SMIM13: variants seen among roughly 807,000 people sequenced by gnomAD.
The protein encoded by SMIM13 is small integral membrane protein 13, also known as UPF0766 protein C6orf228.
SMIM13 carries 3 observed loss-of-function variants against 5.9 expected under a neutral mutation model. The ratio of observed to expected loss-of-function variants is 0.51; its 90% CI spans 0.23 to 1.31. The LOEUF (loss-of-function observed/expected upper bound fraction) is 1.31, where lower values mean the gene tolerates loss of function less well. SMIM13 is among the 40% of genes most tolerant of loss of function. SMIM13 has a pLI of 0.18. For missense variants in SMIM13, 85 were observed against 109.9 expected (o/e 0.77, Z 1.01); for synonymous variants, 55 against 46.0 (o/e 1.19, Z -0.79).
At chr6:11,130,436 G>T (rs979994986) in intron 1 of SMIM13, among the ~76,000 whole-genome samples, 1 of 152,004 alleles carries the variant, frequency 6.6e-6, no homozygotes, top group Admixed American at 6.6e-5. Context: ...GACAGAATTG[G>T]GAGAAAAATG....
In SMIM13 at chr6:11,136,002, T is replaced by A. The variant is rs1432679608; in HGVS notation, c.*1400T>A. ...TCTTACAATGTTAAACTTGTAATCC[T>A]GTGTGAAACACATGTTTTTGGGGGG... On this transcript the variant is annotated 3_prime_UTR_variant, in exon 2 of 2. Transcript: ENST00000416247. 1 of 152,232 alleles carries A rather than the reference T, an allele frequency of 6.6e-6. No individual in the cohort carries two copies. The highest frequency in any genetic ancestry group is 1.5e-5 in the Non-Finnish European group (1 of 68,028). 9.4% of individuals were successfully genotyped at this position (152,232 alleles called of 1,614,324 possible).
chr6:11,125,761 T>C (rs1758369512), intron 1 of SMIM13, among the ~76,000 whole-genome samples: 1 of 152,180 alleles, frequency 6.6e-6, no homozygotes, highest in South Asian at 2.1e-4. Flanking sequence ...GATCCTTTCT[T>C]TGTCCCTTAC....
At chr6:11,110,895 A>C (rs1291437222) in intron 1 of SMIM13, among the ~76,000 whole-genome samples, 2 of 152,188 alleles carry the variant, frequency 1.3e-5, no homozygotes, top group Non-Finnish European at 2.9e-5. Flanking sequence ...TGGGGTCCTT[A>C]AGGGCTACAG....
At chr6:11,116,583 C>CA (rs748720457) in intron 1 of SMIM13, among the ~76,000 whole-genome samples, 6 of 152,282 alleles carry the variant, frequency 3.9e-5, no homozygotes, top group Admixed American at 2.0e-4. Flanking sequence ...AATGAGCTTT[C>CA]AGAGTTTGTG....
At chr6:11,118,163 CTATGGCCAGTA>C (rs61523260) in intron 1 of SMIM13, among the ~76,000 whole-genome samples, 28,699 of 152,082 alleles carry the variant, frequency 0.19, 3,046 homozygotes, top group African/African-American at 0.29. Flanking sequence ...GAACCACCAC[CTATGGCCAGTA>C]TATGGTTTGC....
chr6:11,123,217 A>G (rs1225680843), intron 1 of SMIM13, among the ~76,000 whole-genome samples: 1 of 152,158 alleles, frequency 6.6e-6, no homozygotes, highest in East Asian at 1.9e-4. Flanking sequence ...ATCTACAGAG[A>G]GAAGCGTAGA....
chr6:11,108,917 A>T (rs116103904), intron 1 of SMIM13, among the ~76,000 whole-genome samples: 2 of 152,340 alleles, frequency 1.3e-5, no homozygotes, highest in East Asian at 1.9e-4. Flanking sequence ...TGAGGTTTTC[A>T]TAAGGCCCTT....
rs1168484472 is a variant in SMIM13 at position 11,137,742 on chromosome 6, A to G, written c.*3140A>G. ...TTGCGTTGCTCTGATTTAAATGCCA[A>G]AAACACTAAATATTTGTGTAGTGCT... On this transcript the variant is annotated 3_prime_UTR_variant, in exon 2 of 2. Coordinates refer to ENST00000416247, the MANE Select transcript of SMIM13 (RefSeq NM_001135575.2). 1.3e-5 allele frequency: 2 copies of G among 152,182 alleles called. No individual in the cohort carries two copies. Among genetic ancestry groups the G allele is most frequent in the African/African-American group, 2.4e-5 (1 of 41,454 alleles). 9.4% of individuals were successfully genotyped at this position (152,182 alleles called of 1,614,324 possible). A position where few individuals can be genotyped will look rare whatever the true frequency, so the allele number is the denominator to read the frequency against.
chr6:11,115,635 T>TATAACCTAA (rs2113655423), intron 1 of SMIM13, among the ~76,000 whole-genome samples: 1 of 152,274 alleles, frequency 6.6e-6, no homozygotes, highest in South Asian at 2.1e-4. Flanking sequence ...AATAAAGGGA[T>TATAACCTAA]TAACTATCCC....
At chr6:11,097,472 A>G (rs1249848550) in intron 1 of SMIM13, among the ~76,000 whole-genome samples, 3 of 151,610 alleles carry the variant, frequency 2.0e-5, no homozygotes, top group East Asian at 1.9e-4. Flanking sequence ...CCTGGCCAAC[A>G]TGGCGAATCC....
At chr6:11,114,019 G>C (rs376512097) in intron 1 of SMIM13, among the ~76,000 whole-genome samples, 1 of 144,908 alleles carries the variant, frequency 6.9e-6, no homozygotes, top group African/African-American at 2.6e-5. Flanking sequence ...TCACTCTGTC[G>C]CCCAGGCTGG....
At chr6:11,133,382 A>C (rs983755418) in intron 1 of SMIM13, among the ~76,000 whole-genome samples, 1 of 152,050 alleles carries the variant, frequency 6.6e-6, no homozygotes, top group Non-Finnish European at 1.5e-5. Flanking sequence ...TTTTTTTTCC[A>C]GAGATAGTAA....
chr6:11,121,370 C>T (rs941901549), intron 1 of SMIM13, among the ~76,000 whole-genome samples: 33 of 152,180 alleles, frequency 2.2e-4, no homozygotes, highest in Admixed American at 3.9e-4. Context: ...AGCTATACTT[C>T]TGTTAGAAGT....
intron 1 of SMIM13, among the ~76,000 whole-genome samples, chr6:11,133,073 A>T (rs1243956169): frequency 1.3e-5 from 2 of 152,042 alleles, no homozygotes; most frequent in Admixed American, 6.6e-5. Context: ...TTCATTCCTC[A>T]CTATAGCTTT....
At chr6:11,114,819 C>T (rs976935632) in intron 1 of SMIM13, among the ~76,000 whole-genome samples, 24 of 151,892 alleles carry the variant, frequency 1.6e-4, no homozygotes, top group African/African-American at 4.6e-4. Flanking sequence ...AGGCTGGTCT[C>T]GAACTCTTGA....
intron 1 of SMIM13, among the ~76,000 whole-genome samples, chr6:11,095,748 A>G (rs933342374): frequency 2.0e-5 from 3 of 152,240 alleles, no homozygotes; most frequent in African/African-American, 7.2e-5. Flanking sequence ...AAGCAATTGA[A>G]TAACCTTTCT....
intron 1 of SMIM13, among the ~76,000 whole-genome samples, chr6:11,133,985 G>A (rs1037559351): frequency 2.1e-4 from 32 of 151,382 alleles, no homozygotes; most frequent in Non-Finnish European, 3.4e-4. Flanking sequence ...GCTGTTTAAG[G>A]CCTTATGGAT....
At chr6:11,094,507 T>A in intron 1 of SMIM13, 118 bp downstream of exon 1, 1 of 779,904 alleles carries the variant, frequency 1.3e-6, no homozygotes, top group Non-Finnish European at 2.0e-6. Context: ...ACAATTGTCT[T>A]AAAATCAACT....
At chr6:11,129,552 G>A (rs1758424264) in intron 1 of SMIM13, among the ~76,000 whole-genome samples, 1 of 152,104 alleles carries the variant, frequency 6.6e-6, no homozygotes, top group African/African-American at 2.4e-5. Context: ...TAAACCAACA[G>A]TAGAACTGCT....
Sources: gnomAD v4.1 joint callset for allele counts (sites outside exome capture counted in the v4.1 genomes callset) on GRCh38, gnomAD v4.1.1 for gene constraint, MANE v1.5 for transcripts, NCBI Gene and HGNC (gene_info 2026-07-23, HGNC 2026-07-21) for gene names.